Variants in ACTN3 observed in about 807,000 individuals in gnomAD.
ACTN3 encodes the protein actinin alpha 3.
A neutral mutation model predicts 119.6 loss-of-function variants in ACTN3; 91 were observed. That is an observed-to-expected ratio of 0.76 (90% CI 0.64 to 0.91). ACTN3 has a LOEUF of 0.91. Ranked by LOEUF, ACTN3 falls within the 40% of genes least tolerant of loss-of-function variation. The probability of loss-of-function intolerance (pLI) is 0.00; values close to 1 mark genes in which losing one functional copy is unlikely to be tolerated. For missense variants in ACTN3, 1,221 were observed against 1,215.1 expected, an observed-to-expected ratio of 1.00 and a Z score of -0.07; for synonymous variants, 456 against 478.8, an observed-to-expected ratio of 0.95 and a Z score of 0.62.
chr11:66,548,528 T>C (rs543544703), intron 1 of ACTN3, among the ~76,000 whole-genome samples: 18 of 152,338 alleles, frequency 1.2e-4, no homozygotes, highest in Admixed American at 1.1e-3. Context: ...TGGCACAGCA[T>C]AGAGGATCTG....
At chr11:66,552,223 C>T (rs560659871) in intron 3 of ACTN3, among the ~76,000 whole-genome samples, 10 of 150,928 alleles carry the variant, frequency 6.6e-5, no homozygotes, top group Middle Eastern at 3.5e-3. Context: ...ACTAAAAATA[C>T]GCTGGGTGTG....
In ACTN3 at chr11:66,554,582, A is replaced by G; in HGVS notation, c.516A>G (p.Thr172=). 1 of 1,612,822 alleles carries G rather than the reference A, an allele frequency of 6.2e-7. No homozygotes were observed. The highest frequency in any genetic ancestry group is 2.2e-5 in the East Asian group (1 of 44,842). ...EGLLLWCQRK[T]APYRNVNVQN... is the part of the protein sequence containing the mutation. ...TGCTTCTGTGGTGCCAGAGGAAGAC[A>G]GCACCGTACCGCAACGTCAACGTGC... Residue 172 remains threonine, a synonymous_variant, in exon 5 of 21, where the codon ACA becomes ACG. Transcript: ENST00000513398.
At chr11:66,549,352 C>T (rs1293369527) in intron 1 of ACTN3, among the ~76,000 whole-genome samples, 1 of 152,298 alleles carries the variant, frequency 6.6e-6, no homozygotes, top group South Asian at 2.1e-4. Context: ...ATAAATTCCT[C>T]GGCAACCTCT....
chr11:66,550,642 C>T (rs1003924133), intron 1 of ACTN3, among the ~76,000 whole-genome samples: 2 of 152,068 alleles, frequency 1.3e-5, no homozygotes, highest in Non-Finnish European at 2.9e-5. Context: ...ATAGTAAGAC[C>T]GTCTCTCTCT....
chr11:66,558,254 G>T, intron 11 of ACTN3, 80 bp downstream of exon 11: 1 of 1,571,102 alleles, frequency 6.4e-7, no homozygotes. Flanking sequence ...GAGGTTCTTG[G>T]CAAAATGCAC....
At chr11:66,558,229 G>T in intron 11 of ACTN3, 55 bp downstream of exon 11, 1 of 1,597,790 alleles carries the variant, frequency 6.3e-7, no homozygotes. Flanking sequence ...AGATTGGTGT[G>T]CAGGGGCAGG....
Position 66,562,815 on chromosome 11 carries a change from G to A in ACTN3, c.2408G>A (p.Arg803His), listed in dbSNP as rs758580966. 22 of 1,610,924 alleles carry A rather than the reference G, an allele frequency of 1.4e-5. No individual in the cohort carries two copies. Among genetic ancestry groups the A allele is most frequent in the Middle Eastern group, 1.6e-4 (1 of 6,062 alleles). Residue 803 changes from arginine to histidine, a missense_variant, in exon 20 of 21, where the codon CGC (arginine) becomes CAC (histidine). Transcript: ENST00000513398. ...CTGCAGGGGGAAGTGGAGTTTGCTC[G>A]CATCATGACCATGGTGGACCCCAAC... Reference protein sequence around the residue: ...GYDLGEVEFARIMTMVDPNAA... With the variant: ...GYDLGEVEFAHIMTMVDPNAA...
rs1425260953 is a variant in ACTN3, at chr11:66,560,734, C to G, written c.1839C>G (p.Asp613Glu). Residue 613 changes from aspartate to glutamate, a missense_variant, in exon 15 of 21, where the codon GAC becomes GAG. Transcript: ENST00000513398. ...CCTACATCACCCTCAGCCCGCAGGA[C>G]ATCAACACCAAGTGGGATATGGTCA... Reference protein sequence around the residue: ...TNPYITLSPQDINTKWDMVRK... With the variant: ...TNPYITLSPQEINTKWDMVRK... 6.2e-7 allele frequency: 1 copy of G among 1,612,546 alleles called. No individual in the cohort carries two copies. Among genetic ancestry groups the G allele is most frequent in the East Asian group, 2.2e-5 (1 of 44,874 alleles).
intron 17 of ACTN3, 68 bp downstream of exon 17, chr11:66,561,705 C>A (rs2134942053): frequency 6.6e-7 from 1 of 1,514,518 alleles, no homozygotes; most frequent in Non-Finnish European, 8.9e-7. Flanking sequence ...GAGATCACAG[C>A]TGGACAGAGC....
chr11:66,559,905 G>A, intron 12 of ACTN3, 63 bp from the exon 13 acceptor site: 1 of 1,482,828 alleles, frequency 6.7e-7, no homozygotes, highest in East Asian at 2.5e-5. Flanking sequence ...TCCAGCCCTG[G>A]GAGTGCAGTT....
intron 11 of ACTN3, 45 bp downstream of exon 11, chr11:66,558,219 A>G: frequency 6.2e-7 from 1 of 1,603,062 alleles, no homozygotes; most frequent in East Asian, 2.2e-5. Context: ...CTTGGGGTGG[A>G]GATTGGTGTG....
intron 1 of ACTN3, among the ~76,000 whole-genome samples, chr11:66,548,767 A>G (rs913018000): frequency 6.6e-6 from 1 of 152,124 alleles, no homozygotes; most frequent in African/African-American, 2.4e-5. Context: ...ACCATGTGCC[A>G]GCGCTGTTTC....
chr11:66,553,146 C>T (rs985445148), intron 3 of ACTN3, among the ~76,000 whole-genome samples: 2 of 151,642 alleles, frequency 1.3e-5, no homozygotes, highest in South Asian at 2.1e-4. Flanking sequence ...CCCAGCTACT[C>T]GGGAGGCTGA....
At chr11:66,546,726 G>A, upstream of ACTN3, 1 of 1,535,644 alleles carries the variant, frequency 6.5e-7, no homozygotes, top group South Asian at 1.2e-5. Flanking sequence ...TCTCCGCCGC[G>A]AGATCCACCC....
At chr11:66,552,853 C>CTCTCTG (rs1857502899) in intron 3 of ACTN3, among the ~76,000 whole-genome samples, 1 of 105,258 alleles carries the variant, frequency 9.5e-6, no homozygotes. Flanking sequence ...GAGACTCTGT[C>CTCTCTG]TCTCTCTCTC....
chr11:66,557,730 G>C lies in ACTN3; in HGVS notation c.929G>C (p.Trp310Ser). Reference sequence around the variant, plus strand: ...GAGTGGATCCGCCGCACTGTCCCATGGCTGGAGAACCGTGTGGGTGAGCCC... The same window carrying C: ...GAGTGGATCCGCCGCACTGTCCCATCGCTGGAGAACCGTGTGGGTGAGCCC... ...LLEWIRRTVP[W>S]LENRVGEPSM... is the part of the protein sequence containing the mutation. The change falls in exon 10 of 21, where the codon TGG (tryptophan) becomes TCG (serine). Residue 310 changes from tryptophan (W) to serine (S), a missense_variant. Coordinates refer to ENST00000513398, the MANE Select transcript of ACTN3 (RefSeq NM_001104.4). 6.2e-7 allele frequency: 1 copy of C among 1,613,314 alleles called. No individual in the cohort carries two copies. Among genetic ancestry groups the C allele is most frequent in the Non-Finnish European group, 8.5e-7 (1 of 1,179,714 alleles).
chr11:66,562,775 G>C, intron 19 of ACTN3, 21 bp from the exon 20 acceptor site: 2 of 1,589,990 alleles, frequency 1.3e-6, no homozygotes, highest in South Asian at 2.3e-5. Context: ...TGGGCATAGT[G>C]CCTGGCCTCT....
chr11:66,561,633 T>A lies in ACTN3; in HGVS notation c.2171T>A (p.Met724Lys). 1 of 1,611,128 alleles carries A rather than the reference T, an allele frequency of 6.2e-7. No homozygotes were observed. The highest frequency in any genetic ancestry group is 8.5e-7 in the Non-Finnish European group (1 of 1,178,784). The part of the protein sequence containing the change: ...VFDNKHTVYS[M>K]EHIRVGWEQL... ...GACAATAAGCACACCGTCTACAGCA[T>A]GGAGGTGGGATCACACCCTCTCAGG... is the stretch of plus-strand genomic sequence containing the variant. Residue 724 changes from methionine to lysine, a missense_variant, in exon 17 of 21, where the codon ATG becomes AAG. Around this residue, in one of 3 missense-constraint regions of ACTN3, gnomAD observed 934 missense variants for 899.9 expected, o/e 1.04. Transcript: ENST00000513398.
chr11:66,554,230 G>T, intron 4 of ACTN3, 99 bp downstream of exon 4: 1 of 916,354 alleles, frequency 1.1e-6, no homozygotes, highest in South Asian at 1.6e-5. Flanking sequence ...TTGAAGGATC[G>T]CCCAGGAGTT....
Sources: allele counts gnomAD v4.1 joint callset (sites outside exome capture counted in the v4.1 genomes callset), GRCh38; gene constraint gnomAD v4.1.1; regional missense constraint gnomAD v4.1.1; transcripts MANE v1.5; gene names NCBI Gene and HGNC (gene_info 2026-07-23, HGNC 2026-07-21).